Variants in IGF1R observed in about 807,000 individuals in gnomAD.
IGF1R encodes insulin-like growth factor 1 receptor.
In IGF1R, 44 loss-of-function variants were observed where a neutral mutation model predicts 144.6. The observed-to-expected ratio is 0.30, with a 90% CI of 0.24 to 0.39. The LOEUF (loss-of-function observed/expected upper bound fraction) is 0.39, where lower values mean the gene tolerates loss of function less well. Ranked by LOEUF, IGF1R falls within the 10% of genes least tolerant of loss-of-function variation. The pLI is 1.00. For missense variants in IGF1R, 1,355 were observed against 1,833.7 expected (o/e 0.74, Z 4.77); for synonymous variants, 795 against 722.8 (o/e 1.10, Z -1.60).
intron 3 of IGF1R, among the ~76,000 whole-genome samples, chr15:98,892,878 T>G (rs1521482): frequency 1 from 151,884 of 152,302 alleles, 75,735 homozygotes; most frequent in Middle Eastern, 1. Context: ...TTAGTTTGGC[T>G]TGGTGGCACA....
chr15:98,717,355 T>C (rs973368845), intron 2 of IGF1R, among the ~76,000 whole-genome samples: 2 of 152,000 alleles, frequency 1.3e-5, no homozygotes, highest in Non-Finnish European at 2.9e-5. Flanking sequence ...TAAATTAAAC[T>C]ATCTAAGAGT....
At chr15:98,664,159 C>T (rs1366405971) in intron 1 of IGF1R, among the ~76,000 whole-genome samples, 2 of 152,184 alleles carry the variant, frequency 1.3e-5, no homozygotes, top group Middle Eastern at 3.2e-3. Context: ...TTTTCAATCA[C>T]GTTCACCTGT....
chr15:98,955,600 CTG>C (rs1354386568), intron 20 of IGF1R, among the ~76,000 whole-genome samples: 2 of 152,216 alleles, frequency 1.3e-5, no homozygotes, highest in Non-Finnish European at 2.9e-5. Context: ...CTAGTGAATT[CTG>C]GATGGCTCTC....
intron 2 of IGF1R, among the ~76,000 whole-genome samples, chr15:98,787,139 C>T (rs2141407216): frequency 6.6e-6 from 1 of 152,292 alleles, no homozygotes; most frequent in East Asian, 1.9e-4. Context: ...TAGAGCTTCT[C>T]TTTCTGGGCT....
chr15:98,943,136 T>A, intron 19 of IGF1R, 84 bp downstream of exon 19: 1 of 1,487,046 alleles, frequency 6.7e-7, no homozygotes, highest in Non-Finnish European at 9.4e-7. Flanking sequence ...GCTTTATCTT[T>A]CTCTGTTCAT....
chr15:98,652,604 A>G (rs1234904578), intron 1 of IGF1R, among the ~76,000 whole-genome samples: 1 of 152,248 alleles, frequency 6.6e-6, no homozygotes, highest in Admixed American at 6.5e-5. Flanking sequence ...GAAATATGCT[A>G]AGGTTGAATA....
chr15:98,650,216 A>G (rs1339589212), intron 1 of IGF1R, among the ~76,000 whole-genome samples: 1 of 151,822 alleles, frequency 6.6e-6, no homozygotes, highest in South Asian at 2.1e-4. Context: ...CCCTGCGGAG[A>G]GGCCCCGAAG....
At chr15:98,879,977 G>T (rs1038282410) in intron 2 of IGF1R, among the ~76,000 whole-genome samples, 1 of 152,208 alleles carries the variant, frequency 6.6e-6, no homozygotes, top group African/African-American at 2.4e-5. Context: ...GGAAAGGGGC[G>T]TGGGAAGCAT....
chr15:98,675,632 A>G (rs914826225), intron 1 of IGF1R, among the ~76,000 whole-genome samples: 1 of 152,138 alleles, frequency 6.6e-6, no homozygotes, highest in Admixed American at 6.5e-5. Flanking sequence ...ACTCAAGTCA[A>G]AATCGGTTAA....
intron 2 of IGF1R, among the ~76,000 whole-genome samples, chr15:98,890,151 C>G (rs2013834907): frequency 6.6e-6 from 1 of 152,188 alleles, no homozygotes; most frequent in Admixed American, 6.5e-5. Context: ...GGAGATGCTA[C>G]TCACCCACTT....
At chr15:98,770,018 C>G (rs2055543808) in intron 2 of IGF1R, among the ~76,000 whole-genome samples, 1 of 152,120 alleles carries the variant, frequency 6.6e-6, no homozygotes. Context: ...CTGTAGATCT[C>G]CTGAGTTGGC....
chr15:98,941,639 C>G (rs1024428134), intron 18 of IGF1R, among the ~76,000 whole-genome samples: 1 of 152,174 alleles, frequency 6.6e-6, no homozygotes, highest in African/African-American at 2.4e-5. Flanking sequence ...CTCAAGGGCT[C>G]AAGATGTTTT....
intron 1 of IGF1R, among the ~76,000 whole-genome samples, chr15:98,672,248 C>T (rs546485808): frequency 6.6e-6 from 1 of 152,292 alleles, no homozygotes; most frequent in Non-Finnish European, 1.5e-5. Context: ...TTCACATTTT[C>T]CCACAACTCT....
rs2015515190 is a variant in IGF1R at position 98,922,129 on chromosome 15, A to G, written c.2202-19A>G. On this transcript the variant is annotated intron_variant, in intron 10 of 20. Coordinates refer to ENST00000650285, the MANE Select transcript of IGF1R (RefSeq NM_000875.5). ...AGAGGTAAAAGTACTTAAAAGCCAC[A>G]TTTCTCTCCTCCTTGCAGACCTGAA... 9.9e-6 allele frequency: 16 copies of G among 1,613,890 alleles called. No homozygotes were observed. The East Asian group carries it at 3.6e-4, about 36-fold the overall frequency.
intron 2 of IGF1R, among the ~76,000 whole-genome samples, chr15:98,778,922 CA>C (rs567342807): frequency 6.8e-4 from 103 of 152,340 alleles, no homozygotes; most frequent in Non-Finnish European, 1.2e-3. Context: ...CCACCAGCCC[CA>C]AAACCAGCTG....
intron 1 of IGF1R, among the ~76,000 whole-genome samples, chr15:98,677,297 A>C (rs565513359): frequency 1.3e-5 from 2 of 152,200 alleles, no homozygotes; most frequent in African/African-American, 4.8e-5. Flanking sequence ...TATTTTCTGT[A>C]CTTATCTTGT....
chr15:98,767,213 G>A (rs1479738594), intron 2 of IGF1R, among the ~76,000 whole-genome samples: 8 of 151,646 alleles, frequency 5.3e-5, no homozygotes, highest in South Asian at 4.1e-4. Context: ...CTCAGTAAGC[G>A]TACTGGGGGA....
At chr15:98,696,622 C>T (rs998284379) in intron 1 of IGF1R, among the ~76,000 whole-genome samples, 5 of 152,192 alleles carry the variant, frequency 3.3e-5, no homozygotes, top group Non-Finnish European at 7.3e-5. Flanking sequence ...TGTTTTTCTT[C>T]TGTTTTTGCC....
Position 98,920,914 on chromosome 15 carries a change from C to T in IGF1R, c.2202-1234C>T, listed in dbSNP as rs545798598. Among the ~76,000 whole-genome samples the T allele has an allele frequency of 2.6e-5, 4 of 152,298 alleles. No individual in the cohort carries two copies. The South Asian group carries it at 8.3e-4, about 32-fold the overall frequency. On this transcript the variant is annotated intron_variant, in intron 10 of 20. Transcript: ENST00000650285. Reference sequence around the variant, plus strand: ...CCCCTTCCAGGTTCTGACCTAAGGACCAGCCAGAAGCCTGCCGAGCGTCAG... The same window carrying T: ...CCCCTTCCAGGTTCTGACCTAAGGATCAGCCAGAAGCCTGCCGAGCGTCAG...
Sources: allele counts gnomAD v4.1 joint callset (sites outside exome capture counted in the v4.1 genomes callset), GRCh38; gene constraint gnomAD v4.1.1; transcripts MANE v1.5; gene names NCBI Gene and HGNC (gene_info 2026-07-23, HGNC 2026-07-21).